Variants in SPSB1 observed in about 807,000 individuals in gnomAD.
SPSB1 encodes SPRY domain-containing SOCS box protein 1.
In SPSB1, 8 loss-of-function variants were observed where a neutral mutation model predicts 21.2. The ratio of observed to expected loss-of-function variants is 0.38; its 90% CI spans 0.22 to 0.68. The LOEUF (loss-of-function observed/expected upper bound fraction) is 0.68. SPSB1 is among the 30% of genes least tolerant of loss of function. The pLI, the probability that SPSB1 is intolerant of heterozygous loss-of-function variation, is 0.53. For missense variants in SPSB1, 242 were observed against 377.8 expected (o/e 0.64, Z 2.98); for synonymous variants, 169 against 161.7 (o/e 1.05, Z -0.34).
intron 1 of SPSB1, among the ~76,000 whole-genome samples, chr1:9,325,707 C>T (rs1413776312): frequency 2.0e-5 from 3 of 152,138 alleles, no homozygotes; most frequent in Admixed American, 6.5e-5. Flanking sequence ...ACCAAGTGAA[C>T]GTCATTGTGA....
intron 2 of SPSB1, among the ~76,000 whole-genome samples, chr1:9,357,565 C>G (rs1269392003): frequency 6.6e-6 from 1 of 152,192 alleles, no homozygotes; most frequent in Non-Finnish European, 1.5e-5. Context: ...TAGAGTCTTT[C>G]TCTTCTGCCA....
In SPSB1 at chr1:9,321,213, G is replaced by C. The variant is rs188290841; in HGVS notation, c.-150+28142G>C. 1.3e-5 allele frequency among the ~76,000 whole-genome samples: 2 copies of C among 152,126 alleles called. No individual in the cohort carries two copies. The highest frequency in any genetic ancestry group is 3.9e-4 in the East Asian group (2 of 5,168). The stretch of plus-strand genomic sequence containing the variant: ...TTTAGTCTGCAGAGGCGTCTCAGGC[G>C]GTGGGCCTTAAACATTTACATTCTT... On this transcript the variant is annotated intron_variant, in intron 1 of 2. Coordinates refer to ENST00000328089, the MANE Select transcript of SPSB1 (RefSeq NM_025106.4). The surrounding 1 kb of genome is among the most constrained non-coding windows in gnomAD (Gnocchi z 4.8).
rs1640439797 is a variant in SPSB1, at chr1:9,359,850, G to GGGC, written c.694+3267_694+3268insCGG. On this transcript the variant is annotated intron_variant, in intron 2 of 2. Coordinates refer to ENST00000328089, the MANE Select transcript of SPSB1 (RefSeq NM_025106.4). ...GAGCTTGGGCCAGGATGGAAGCCGG[G>GGGC]GGGGTGGGTGGCGGGGGCGGCCCGG... Among the ~76,000 whole-genome samples, 3 of 151,192 alleles carry GGGC rather than the reference G, an allele frequency of 2.0e-5. No homozygotes were observed. In the South Asian group the frequency reaches 6.4e-4, roughly 32 times the overall value.
intron 1 of SPSB1, among the ~76,000 whole-genome samples, chr1:9,315,101 C>A (rs1358344423): frequency 6.6e-6 from 1 of 152,232 alleles, no homozygotes; most frequent in Non-Finnish European, 1.5e-5. Context: ...TGGGATGAAT[C>A]TCCCCTCTCT....
chr1:9,303,948 G>C (rs1189353578), intron 1 of SPSB1, among the ~76,000 whole-genome samples: 2 of 152,218 alleles, frequency 1.3e-5, no homozygotes, highest in Non-Finnish European at 2.9e-5. Flanking sequence ...CAGTGGTTTG[G>C]CATTTGTGTA....
chr1:9,354,434 C>T (rs1052527571), intron 1 of SPSB1, among the ~76,000 whole-genome samples: 5 of 152,118 alleles, frequency 3.3e-5, no homozygotes, highest in Non-Finnish European at 5.9e-5. Flanking sequence ...CCAGGCTGCC[C>T]TCCTTGGCCT....
At chr1:9,350,668 C>G (rs917396314) in intron 1 of SPSB1, among the ~76,000 whole-genome samples, 1 of 152,222 alleles carries the variant, frequency 6.6e-6, no homozygotes, top group Non-Finnish European at 1.5e-5. Context: ...TCTGCTCTCC[C>G]GTTCCAGCCC....
At chr1:9,301,831 G>T (rs1043213608) in intron 1 of SPSB1, among the ~76,000 whole-genome samples, 2 of 152,214 alleles carry the variant, frequency 1.3e-5, no homozygotes, top group African/African-American at 4.8e-5. Context: ...CATTCCCCGG[G>T]ATGATCACTG....
chr1:9,325,978 G>A (rs1475499375), intron 1 of SPSB1, among the ~76,000 whole-genome samples: 3 of 152,094 alleles, frequency 2.0e-5, no homozygotes, highest in African/African-American at 2.4e-5. Context: ...AGAGAATGGG[G>A]GAAGGAGGTG....
chr1:9,322,098 G>T (rs1431289137), intron 1 of SPSB1, among the ~76,000 whole-genome samples: 2 of 152,130 alleles, frequency 1.3e-5, no homozygotes, highest in Non-Finnish European at 2.9e-5. Context: ...GGCTTGAATG[G>T]CTCTTTATTA....
intron 1 of SPSB1, among the ~76,000 whole-genome samples, chr1:9,298,571 C>A (rs1639265586): frequency 6.6e-6 from 1 of 152,166 alleles, no homozygotes; most frequent in African/African-American, 2.4e-5. Flanking sequence ...GACCTGTGAC[C>A]TTTTACCAGA....
chr1:9,367,600 G>A lies in SPSB1; in HGVS notation c.*25G>A, dbSNP rs768363537. On this transcript the variant is annotated 3_prime_UTR_variant, in exon 3 of 3. Coordinates refer to ENST00000328089, the MANE Select transcript of SPSB1 (RefSeq NM_025106.4). The surrounding 1 kb of genome is among the most constrained non-coding windows in gnomAD (Gnocchi z 5.9). ...ACGTTCGCCATCATACCGCCAGCGCGACAGCCACCTGGTGCCAACTCACTG... is the reference window on the plus strand; with the variant it reads ...ACGTTCGCCATCATACCGCCAGCGCAACAGCCACCTGGTGCCAACTCACTG... 16 of 1,575,850 alleles carry A rather than the reference G, an allele frequency of 1.0e-5. No homozygotes were observed. Among genetic ancestry groups the A allele is most frequent in the Middle Eastern group, 3.7e-4 (2 of 5,446 alleles).
chr1:9,364,674 C>G lies in SPSB1; in HGVS notation c.695-2774C>G, dbSNP rs538536323. 2.0e-5 allele frequency among the ~76,000 whole-genome samples: 3 copies of G among 152,334 alleles called. No homozygotes were observed. In the South Asian group the frequency reaches 6.2e-4, roughly 32 times the overall value. On this transcript the variant is annotated intron_variant, in intron 2 of 2. Transcript: ENST00000328089. ...CCTCTTAATCATCCTAAGCTGGCCA[C>G]GAAAGGCCCCCTTTCAAAATTCTCC...
At chr1:9,323,271 G>A (rs1041026641) in intron 1 of SPSB1, among the ~76,000 whole-genome samples, 8 of 152,208 alleles carry the variant, frequency 5.3e-5, no homozygotes, top group Admixed American at 2.6e-4. Context: ...AGTTCCCGCC[G>A]AGCCGAGGGG....
At position 9,348,665 on chromosome 1, in the gene SPSB1, A is replaced by G. The variant is rs1298970505; in HGVS notation, c.-149-7078A>G. Reference sequence around the variant, plus strand: ...GGTTCTTTTCTTCCTTCCTACTAAGATCTGGGGCCCCCAGCAAATCCAAAG... The same window carrying G: ...GGTTCTTTTCTTCCTTCCTACTAAGGTCTGGGGCCCCCAGCAAATCCAAAG... On this transcript the variant is annotated intron_variant, in intron 1 of 2. Coordinates refer to ENST00000328089, the MANE Select transcript of SPSB1 (RefSeq NM_025106.4). The surrounding 1 kb of genome is among the most constrained non-coding windows in gnomAD (Gnocchi z 4.8). 6.6e-6 allele frequency among the ~76,000 whole-genome samples: 1 copy of G among 151,990 alleles called. No homozygotes were observed. The highest frequency in any genetic ancestry group is 2.4e-5 in the African/African-American group (1 of 41,374).
intron 2 of SPSB1, among the ~76,000 whole-genome samples, chr1:9,359,848 G>T (rs201360994): frequency 2.8e-5 from 1 of 36,302 alleles, no homozygotes; most frequent in African/African-American, 7.0e-5. Flanking sequence ...GATGGAAGCC[G>T]GGGGGGTGGG....
In SPSB1 at chr1:9,356,218, G is replaced by A. The variant is rs764492440; in HGVS notation, c.327G>A (p.Arg109=). ...VWQITWAMRQ[R]GTHAVVGVAT... is the part of the protein sequence containing the mutation. The stretch of plus-strand genomic sequence containing the variant: ...AGATCACGTGGGCCATGAGACAGCG[G>A]GGCACACACGCCGTGGTGGGGGTGG... Residue 109 remains arginine (R), a synonymous_variant, in exon 2 of 3, where the codon CGG becomes CGA. Transcript: ENST00000328089. This position sits in a 1 kb window ranked among gnomAD's most constrained non-coding sequence, Gnocchi z 7.4. 3 of 1,599,392 alleles carry A rather than the reference G, an allele frequency of 1.9e-6. No homozygotes were observed. The Admixed American group carries it at 5.0e-5, about 27-fold the overall frequency.
At chr1:9,358,351 C>T (rs1640411718) in intron 2 of SPSB1, among the ~76,000 whole-genome samples, 1 of 152,154 alleles carries the variant, frequency 6.6e-6, no homozygotes, top group Admixed American at 6.5e-5. Flanking sequence ...GCCTGGCGCC[C>T]CCAGGTCATG....
At position 9,359,847 on chromosome 1, in the gene SPSB1, C is replaced by G. The variant is rs12130640; in HGVS notation, c.694+3262C>G. 5.5e-3 allele frequency among the ~76,000 whole-genome samples: 582 copies of G among 105,780 alleles called. 6 individuals are homozygous for G. The highest frequency in any genetic ancestry group is 0.019 in the African/African-American group (482 of 24,926). The allele number at this position is 105,780 out of a possible 152,430, so 69.4% of individuals were successfully genotyped here. A position where few individuals can be genotyped will look rare whatever the true frequency, so the allele number is the denominator to read the frequency against. On this transcript the variant is annotated intron_variant, in intron 2 of 2. Transcript: ENST00000328089. ...TGGGAGCTTGGGCCAGGATGGAAGC[C>G]GGGGGGGTGGGTGGCGGGGGCGGCC...
Sources: allele counts gnomAD v4.1 joint callset (sites outside exome capture counted in the v4.1 genomes callset), GRCh38; gene constraint gnomAD v4.1.1; non-coding constraint Gnocchi (gnomAD v3.1); transcripts MANE v1.5; gene names NCBI Gene and HGNC (gene_info 2026-07-23, HGNC 2026-07-21).